HTATIP2: variants seen among roughly 807,000 people sequenced by gnomAD.
HTATIP2 encodes protein HTATIP2.
Under a neutral mutation model 24.7 loss-of-function variants are expected in HTATIP2, and 26 were observed. The observed-to-expected ratio is 1.05, with a 90% CI of 0.77 to 1.46. The LOEUF is 1.46. Among genes scored for constraint, HTATIP2 ranks in the 40% most tolerant of loss-of-function variants. The pLI is 0.00. For missense variants in HTATIP2, 284 were observed against 289.6 expected (o/e 0.98, Z 0.14); for synonymous variants, 99 against 113.2 (o/e 0.87, Z 0.79).
In HTATIP2 at chr11:20,364,293, A is replaced by G. The variant is rs746148379; in HGVS notation, c.56A>G (p.Lys19Arg). The change falls in exon 1 of 5, where the codon AAA becomes AGA. Residue 19 changes from lysine to arginine, a missense_variant. Lys to Arg is a conservative substitution (Grantham distance 26). Transcript: ENST00000451739. ...CGGGAAGACTTCAGGATGCAGAATAAATCCGTCTTTATTTTGGGCGCCAGC... is the reference window on the plus strand; with the variant it reads ...CGGGAAGACTTCAGGATGCAGAATAGATCCGTCTTTATTTTGGGCGCCAGC... ...KLREDFRMQN[K>R]SVFILGASGE... 6.2e-7 allele frequency: 1 copy of G among 1,613,884 alleles called. No homozygotes were observed. Among genetic ancestry groups the G allele is most frequent in the Non-Finnish European group, 8.5e-7 (1 of 1,179,786 alleles).
chr11:20,376,312 C>T (rs1848444976), intron 2 of HTATIP2: 2 of 438,418 alleles, frequency 4.6e-6, no homozygotes, highest in African/African-American at 4.2e-5. Flanking sequence ...TTGTTCTTTG[C>T]AGATTTGTTT....
Position 20,369,257 on chromosome 11 carries a change from C to T in HTATIP2, c.303+1976C>T, listed in dbSNP as rs116380082. On this transcript the variant is annotated intron_variant, in intron 2 of 4. Transcript: ENST00000451739. Reference sequence around the variant, plus strand: ...GCAGCCCTCTCTGTAGAAAAAAGTTCGTTGGGTGGTTTATCATATGAGTAC... The same window carrying T: ...GCAGCCCTCTCTGTAGAAAAAAGTTTGTTGGGTGGTTTATCATATGAGTAC... Among the ~76,000 whole-genome samples the T allele has an allele frequency of 4.4e-3, 668 of 152,242 alleles. 3 individuals are homozygous for T. Among genetic ancestry groups the T allele is most frequent in the African/African-American group, 0.016 (646 of 41,534 alleles).
intron 1 of HTATIP2, among the ~76,000 whole-genome samples, chr11:20,366,094 C>CT (rs2064701019): frequency 7.7e-6 from 1 of 129,272 alleles, no homozygotes; most frequent in African/African-American, 2.9e-5. Flanking sequence ...CTTTTCTTTT[C>CT]TTTTCTTTTT....
chr11:20,382,129 A>C (rs1318805343), intron 3 of HTATIP2, 49 bp from the exon 4 acceptor site: 3 of 1,107,054 alleles, frequency 2.7e-6, no homozygotes, highest in Non-Finnish European at 4.2e-6. Flanking sequence ...AACTTCACAC[A>C]GGTGAGCTGG....
Position 20,383,120 on chromosome 11 carries a change from T to TGAGACCAA in HTATIP2, c.650_657dup (p.Lys220GlnfsTer50), listed in dbSNP as rs934931376. Reference sequence around the variant, plus strand: ...GTTAGAGCAATGCTGAACAATGTGGTGAGACCAAGAGACAAGCAGATGGAA... The same window carrying TGAGACCAA: ...GTTAGAGCAATGCTGAACAATGTGGTGAGACCAAGAGACCAAGAGACAAGCAGATGGAA... On this transcript the variant is annotated frameshift_variant, in exon 5 of 5. Transcript: ENST00000451739. LOFTEE classifies it high-confidence loss of function. 7 of 1,613,862 alleles carry TGAGACCAA rather than the reference T, an allele frequency of 4.3e-6. No individual in the cohort carries two copies. In the African/African-American group the frequency reaches 6.7e-5, roughly 15 times the overall value.
At chr11:20,377,188 G>T (rs1459010567) in intron 3 of HTATIP2, among the ~76,000 whole-genome samples, 2 of 144,468 alleles carry the variant, frequency 1.4e-5, no homozygotes, top group Non-Finnish European at 3.0e-5. Flanking sequence ...ATCTTGGCTC[G>T]CTGCAGCCTC....
At chr11:20,371,287 T>C (rs189400586) in intron 2 of HTATIP2, among the ~76,000 whole-genome samples, 5 of 152,218 alleles carry the variant, frequency 3.3e-5, no homozygotes, top group African/African-American at 1.2e-4. Flanking sequence ...TCACAGGCCC[T>C]GTTTGGTTGC....
chr11:20,382,120 A>C (rs1036879035), intron 3 of HTATIP2, 58 bp from the exon 4 acceptor site: 21 of 1,035,660 alleles, frequency 2.0e-5, no homozygotes, highest in Admixed American at 5.4e-5. Flanking sequence ...TCTCTCTTAA[A>C]CTTCACACAG....
chr11:20,377,793 C>G (rs988297862), intron 3 of HTATIP2, among the ~76,000 whole-genome samples: 1 of 152,236 alleles, frequency 6.6e-6, no homozygotes, highest in Non-Finnish European at 1.5e-5. Flanking sequence ...AAATTGTTAT[C>G]AGTTCTGCCT....
intron 2 of HTATIP2, among the ~76,000 whole-genome samples, chr11:20,372,969 C>T (rs1010645136): frequency 6.6e-6 from 1 of 152,084 alleles, no homozygotes; most frequent in Non-Finnish European, 1.5e-5. Context: ...TAAAAGGCCA[C>T]GCCATCAGGG....
At position 20,365,970 on chromosome 11, in the gene HTATIP2, CAAAAAAAAAAAAAAA is replaced by C. The variant is rs1161230646; in HGVS notation, c.196-1199_196-1185del. On this transcript the variant is annotated intron_variant, in intron 1 of 4. Transcript: ENST00000451739. ...TGGGTGACAGAGCGAGACTCTGTCT[CAAAAAAAAAAAAAAA>C]AAAAGAAAAGAAACAAATTGAAATC... Among the ~76,000 whole-genome samples the C allele has an allele frequency of 5.2e-5, 5 of 96,780 alleles. No homozygotes were observed. In the South Asian group the frequency reaches 1.7e-3, roughly 32 times the overall value. 63.5% of individuals were successfully genotyped at this position (96,780 alleles called of 152,430 possible).
At chr11:20,382,918 C>T in intron 4 of HTATIP2, 62 bp from the exon 5 acceptor site, 2 of 1,250,756 alleles carry the variant, frequency 1.6e-6, no homozygotes, top group African/African-American at 1.5e-5. Flanking sequence ...CCACTGTGGT[C>T]TCAGTGCAAT....
chr11:20,366,838 G>A (rs565290592), intron 1 of HTATIP2, among the ~76,000 whole-genome samples: 20 of 152,224 alleles, frequency 1.3e-4, no homozygotes, highest in Non-Finnish European at 2.4e-4. Flanking sequence ...GATGCCAAAC[G>A]CCATCTCTTG....
At position 20,382,964 on chromosome 11, in the gene HTATIP2, T is replaced by C. The variant is rs745955736; in HGVS notation, c.504-16T>C. 3.0e-4 allele frequency: 473 copies of C among 1,565,568 alleles called. 4 individuals are homozygous for C. Among genetic ancestry groups the C allele is most frequent in the Non-Finnish European group, 3.7e-4 (424 of 1,160,146 alleles). The stretch of plus-strand genomic sequence containing the variant: ...TTCCTCTGCTTTTCTTTCTTTTTTT[T>C]TTTTTTTTATTTTAGAGTTCTGTTA... On this transcript the variant is annotated splice_polypyrimidine_tract_variant and intron_variant, in intron 4 of 4. Transcript: ENST00000451739.
intron 4 of HTATIP2, among the ~76,000 whole-genome samples, 156 bp downstream of exon 4, chr11:20,382,395 T>C (rs544075454): frequency 1.3e-5 from 2 of 152,346 alleles, no homozygotes; most frequent in South Asian, 2.1e-4. Flanking sequence ...ACCTTTTTGC[T>C]TAGAAAGAAA....
chr11:20,382,156 A>G (rs766526743), intron 3 of HTATIP2, 22 bp from the exon 4 acceptor site: 1 of 1,473,142 alleles, frequency 6.8e-7, no homozygotes, highest in East Asian at 2.3e-5. Flanking sequence ...TTAAATACTG[A>G]AAATGTGTTT....
chr11:20,369,120 A>G (rs1266309886), intron 2 of HTATIP2, among the ~76,000 whole-genome samples: 1 of 152,216 alleles, frequency 6.6e-6, no homozygotes, highest in East Asian at 1.9e-4. Flanking sequence ...TGGGAGGTTG[A>G]TAACTTTAGC....
At position 20,383,126 on chromosome 11, in the gene HTATIP2, C is replaced by G. The variant is rs1848547620; in HGVS notation, c.650C>G (p.Pro217Arg). ...GCAATGCTGAACAATGTGGTGAGAC[C>G]AAGAGACAAGCAGATGGAACTGCTG... ...VRAMLNNVVR[P>R]RDKQMELLEN... is the part of the protein sequence containing the mutation. Residue 217 changes from proline (P) to arginine (R), a missense_variant, in exon 5 of 5, where the codon CCA becomes CGA. Pro to Arg is a moderately radical substitution (Grantham distance 103, BLOSUM62 -2). Coordinates refer to ENST00000451739, the MANE Select transcript of HTATIP2 (RefSeq NM_001098522.2). 4 of 1,613,870 alleles carry G rather than the reference C, an allele frequency of 2.5e-6. No individual in the cohort carries two copies. In the East Asian group the frequency reaches 8.9e-5, roughly 36 times the overall value.
chr11:20,366,329 T>C lies in HTATIP2; in HGVS notation c.196-845T>C, dbSNP rs943152495. 2.6e-5 allele frequency among the ~76,000 whole-genome samples: 4 copies of C among 151,802 alleles called. No individual in the cohort carries two copies. In the East Asian group the frequency reaches 7.9e-4, roughly 30 times the overall value. The stretch of plus-strand genomic sequence containing the variant: ...ACCATGTTAGCCAGGATGGTCTCGA[T>C]CTCCTGACCTCGTGATCCACCCACC... On this transcript the variant is annotated intron_variant, in intron 1 of 4. Transcript: ENST00000451739.
Sources: allele counts gnomAD v4.1 joint callset (sites outside exome capture counted in the v4.1 genomes callset), GRCh38; gene constraint gnomAD v4.1.1; transcripts MANE v1.5; gene names NCBI Gene and HGNC (gene_info 2026-07-23, HGNC 2026-07-21).